Variants in CDC42BPA observed in about 807,000 individuals in gnomAD.
The protein encoded by CDC42BPA is serine/threonine-protein kinase MRCK alpha.
CDC42BPA carries 80 observed loss-of-function variants against 223.5 expected under a neutral mutation model. That is an observed-to-expected ratio of 0.36 (90% CI 0.30 to 0.43). The LOEUF is 0.43. Ranked by LOEUF, CDC42BPA falls within the 20% of genes least tolerant of loss-of-function variation. CDC42BPA has a pLI of 1.00. For synonymous variants in CDC42BPA, 694 were observed against 718.6 expected, an observed-to-expected ratio of 0.97 and a Z score of 0.55; for missense variants, 1,743 against 2,099.9, an observed-to-expected ratio of 0.83 and a Z score of 3.32.
At chr1:227,302,704 CCT>C (rs772237272) in intron 1 of CDC42BPA, among the ~76,000 whole-genome samples, 6 of 151,950 alleles carry the variant, frequency 3.9e-5, no homozygotes, top group African/African-American at 9.7e-5. Context: ...TTTTTTTCCC[CCT>C]CTGTTCTTTC....
At chr1:227,027,062 G>C (rs542366749) in intron 30 of CDC42BPA, among the ~76,000 whole-genome samples, 114 of 152,126 alleles carry the variant, frequency 7.5e-4, no homozygotes, top group African/African-American at 2.7e-3. Context: ...TGAAGTGCTG[G>C]GATTACAGGT....
Position 226,994,129 on chromosome 1 carries a change from C to T in CDC42BPA, c.*139G>A, listed in dbSNP as rs1227130305. The T allele has an allele frequency of 5.7e-6, 4 of 707,852 alleles. No individual in the cohort carries two copies. The highest frequency in any genetic ancestry group is 3.0e-5 in the East Asian group (1 of 33,766). 43.8% of individuals were successfully genotyped at this position (707,852 alleles called of 1,614,324 possible). A position where few individuals can be genotyped will look rare whatever the true frequency, so the allele number is the denominator to read the frequency against. ...GGATCTGAGAGTCGTGTCGTCAGAA[C>T]TCCTGAATCCCTGTCCTGCTACTGC... On this transcript the variant is annotated 3_prime_UTR_variant, in exon 37 of 37. Coordinates refer to ENST00000366766, the MANE Select transcript of CDC42BPA (RefSeq NM_001394014.1). The surrounding 1 kb of genome is among the most constrained non-coding windows in gnomAD (Gnocchi z 4.0).
intron 10 of CDC42BPA, among the ~76,000 whole-genome samples, chr1:227,138,162 A>C (rs139772089): frequency 6.6e-6 from 1 of 152,188 alleles, no homozygotes; most frequent in Non-Finnish European, 1.5e-5. Flanking sequence ...GGGCCTCTAA[A>C]AGTATGACAG....
intron 10 of CDC42BPA, among the ~76,000 whole-genome samples, chr1:227,132,964 C>G (rs1657550027): frequency 6.6e-6 from 1 of 150,816 alleles, no homozygotes; most frequent in African/African-American, 2.4e-5. Flanking sequence ...GTGAGGAGCC[C>G]CGCCGTCCGG....
At chr1:227,249,781 C>A (rs1254095747) in intron 2 of CDC42BPA, among the ~76,000 whole-genome samples, 1 of 152,064 alleles carries the variant, frequency 6.6e-6, no homozygotes, top group Non-Finnish European at 1.5e-5. Flanking sequence ...TGACTTTTAT[C>A]CATAAGGCAG....
intron 5 of CDC42BPA, among the ~76,000 whole-genome samples, chr1:227,192,149 C>T (rs1165949861): frequency 2.0e-5 from 3 of 152,032 alleles, no homozygotes; most frequent in Admixed American, 1.3e-4. Flanking sequence ...TGTCTTAGAA[C>T]TTCAATACTA....
chr1:227,250,486 C>G (rs1211052377), intron 2 of CDC42BPA, among the ~76,000 whole-genome samples: 1 of 151,628 alleles, frequency 6.6e-6, no homozygotes, highest in African/African-American at 2.4e-5. Context: ...AAAACTCCAT[C>G]TCAAATAAAA....
intron 2 of CDC42BPA, among the ~76,000 whole-genome samples, chr1:227,243,756 TCACACACACACACACACA>T (rs5781477): frequency 6.8e-5 from 10 of 146,664 alleles, no homozygotes; most frequent in African/African-American, 2.0e-4. Flanking sequence ...AAAAGATTTG[TCACACACACACACACACA>T]CACACACACA....
intron 23 of CDC42BPA, among the ~76,000 whole-genome samples, chr1:227,047,631 G>A (rs956794820): frequency 1.3e-5 from 2 of 152,242 alleles, no homozygotes; most frequent in Non-Finnish European, 2.9e-5. Context: ...TTCAGTCTCA[G>A]ATTCTTCCAC....
intron 1 of CDC42BPA, among the ~76,000 whole-genome samples, chr1:227,268,939 C>T (rs1685533728): frequency 6.6e-6 from 1 of 152,086 alleles, no homozygotes; most frequent in South Asian, 2.1e-4. Flanking sequence ...TCTACCTTGG[C>T]CTCCCAAAGT....
intron 1 of CDC42BPA, among the ~76,000 whole-genome samples, chr1:227,267,596 T>C (rs543777905): frequency 8.5e-5 from 13 of 152,338 alleles, no homozygotes; most frequent in African/African-American, 3.1e-4. Flanking sequence ...AGATACTACC[T>C]GAGACTGGGT....
At chr1:227,243,658 G>C (rs1680382742) in intron 2 of CDC42BPA, among the ~76,000 whole-genome samples, 1 of 151,780 alleles carries the variant, frequency 6.6e-6, no homozygotes. Context: ...CTAATTATAA[G>C]TAAAAGTTTA....
At chr1:227,004,907 G>A in intron 35 of CDC42BPA, 87 bp downstream of exon 35, 1 of 901,066 alleles carries the variant, frequency 1.1e-6, no homozygotes. Flanking sequence ...ACACGTAAGT[G>A]AAGGACATGT....
At position 227,294,537 on chromosome 1, in the gene CDC42BPA, C is replaced by T. The variant is rs528352992; in HGVS notation, c.178+22468G>A. On this transcript the variant is annotated intron_variant, in intron 1 of 36. Transcript: ENST00000366766. ...ACGAAGCATGTGTAATAACTATTCC[C>T]ATTTTCAGAGAGAAAGAAACTGAAG... 1.4e-3 allele frequency among the ~76,000 whole-genome samples: 207 copies of T among 151,952 alleles called. 1 individual carries two copies. Among genetic ancestry groups the T allele is most frequent in the African/African-American group, 4.7e-3 (193 of 41,468 alleles).
At chr1:227,050,277 T>C (rs1673283905) in intron 22 of CDC42BPA, among the ~76,000 whole-genome samples, 1 of 152,094 alleles carries the variant, frequency 6.6e-6, no homozygotes, top group Non-Finnish European at 1.5e-5. Context: ...AAAATGACAC[T>C]TAATACCCAT....
intron 15 of CDC42BPA, among the ~76,000 whole-genome samples, chr1:227,095,595 T>G (rs925105265): frequency 6.7e-6 from 1 of 150,352 alleles, no homozygotes; most frequent in Non-Finnish European, 1.5e-5. Context: ...TTTGGTTTTT[T>G]TTTTTTTTTT....
At position 227,091,763 on chromosome 1, in the gene CDC42BPA, A is replaced by T. The variant is rs531132907; in HGVS notation, c.2355+123T>A. On this transcript the variant is annotated intron_variant, in intron 16 of 36. Transcript: ENST00000366766. ...GAATTGCATATATCATAGAAGCAAC[A>T]TAACTCAGGAGAAAGACTATTAAAC... is the stretch of plus-strand genomic sequence containing the variant. The T allele has an allele frequency of 2.0e-3, 1,083 of 531,866 alleles. 5 individuals are homozygous for T. Among genetic ancestry groups the T allele is most frequent in the Admixed American group, 1.8e-3 (49 of 26,824 alleles). The allele number at this position is 531,866 out of a possible 1,614,324, so 32.9% of individuals were successfully genotyped here. A position where few individuals can be genotyped will look rare whatever the true frequency, so the allele number is the denominator to read the frequency against.
In CDC42BPA at chr1:227,145,194, T is replaced by G. The variant is rs76334607; in HGVS notation, c.1143+295A>C. Among the ~76,000 whole-genome samples the G allele has an allele frequency of 2.2e-3, 337 of 152,326 alleles. 1 individual carries two copies. The highest frequency in any genetic ancestry group is 7.1e-3 in the African/African-American group (296 of 41,582). ...ACCTCTGCACTTTACAATCATAAAA[T>G]CTGCTTTTTTAAATATCTAATTTGT... On this transcript the variant is annotated intron_variant, in intron 8 of 36. Coordinates refer to ENST00000366766, the MANE Select transcript of CDC42BPA (RefSeq NM_001394014.1).
At chr1:227,214,002 C>T (rs541109345) in intron 2 of CDC42BPA, among the ~76,000 whole-genome samples, 1 of 152,190 alleles carries the variant, frequency 6.6e-6, no homozygotes, top group South Asian at 2.1e-4. Flanking sequence ...CACTTCCAGG[C>T]CATTGGACTT....
Sources: gnomAD v4.1 joint callset for allele counts (sites outside exome capture counted in the v4.1 genomes callset) on GRCh38, gnomAD v4.1.1 for gene constraint, Gnocchi (gnomAD v3.1) non-coding constraint, MANE v1.5 for transcripts, NCBI Gene and HGNC (gene_info 2026-07-23, HGNC 2026-07-21) for gene names.